DNAH9: variants seen among roughly 807,000 people sequenced by gnomAD.
DNAH9 encodes dynein axonemal heavy chain 9.
In DNAH9, 345 loss-of-function variants were observed where a neutral mutation model predicts 471.6. The ratio of observed to expected loss-of-function variants is 0.73; its 90% CI spans 0.67 to 0.80. The LOEUF (loss-of-function observed/expected upper bound fraction) is 0.80, where lower values mean the gene tolerates loss of function less well. Ranked by LOEUF, DNAH9 falls within the 30% of genes least tolerant of loss-of-function variation. The probability of loss-of-function intolerance (pLI) is 0.00; values close to 1 mark genes in which losing one functional copy is unlikely to be tolerated. For missense variants in DNAH9, 5,407 were observed against 5,609.2 expected (o/e 0.96, Z 1.15); for synonymous variants, 2,093 against 2,123.6 (o/e 0.99, Z 0.40).
chr17:11,871,931 C>CCG, intron 52 of DNAH9, 145 bp downstream of exon 52: 1 of 853,128 alleles, frequency 1.2e-6, no homozygotes, highest in Non-Finnish European at 1.8e-6. Flanking sequence ...ACCTGCGTAC[C>CCG]CGTGTCCTTC....
intron 40 of DNAH9, 30 bp downstream of exon 40, chr17:11,783,778 T>C: frequency 6.4e-7 from 1 of 1,569,686 alleles, no homozygotes; most frequent in Non-Finnish European, 8.8e-7. Context: ...ACCTGGGTCC[T>C]AATCCTATCT....
At chr17:11,964,951 C>CA (rs1395346881) in intron 68 of DNAH9, among the ~76,000 whole-genome samples, 11 of 152,146 alleles carry the variant, frequency 7.2e-5, no homozygotes, top group Non-Finnish European at 1.6e-4. Flanking sequence ...CCCAGGGCAA[C>CA]AGTCTTTTTC....
Position 11,932,101 on chromosome 17 carries a change from C to T in DNAH9, c.12193C>T (p.Arg4065Ter), listed in dbSNP as rs138149656. Residue 4065 changes from arginine to a stop codon, truncating the protein, a stop_gained, in exon 64 of 69, where the codon CGA becomes TGA. Transcript: ENST00000262442. LOFTEE classifies it high-confidence loss of function. This position sits in a 1 kb window ranked among gnomAD's most constrained non-coding sequence, Gnocchi z 4.3. Reference sequence around the variant, plus strand: ...CTTCCATGCGGTGGTGGCAGAAAGACGAAAATTTGGGCCCCAGGGATGGAA... The same window carrying T: ...CTTCCATGCGGTGGTGGCAGAAAGATGAAAATTTGGGCCCCAGGGATGGAA... ...CYFHAVVAER[R>*]KFGPQGWNRS... 6.7e-5 allele frequency: 108 copies of T among 1,613,910 alleles called. No individual in the cohort carries two copies. Among genetic ancestry groups the T allele is most frequent in the Middle Eastern group, 1.6e-4 (1 of 6,074 alleles).
rs571786712 is a variant in DNAH9 at position 11,892,785 on chromosome 17, C to T, written c.11283+838C>T. 2.2e-4 allele frequency among the ~76,000 whole-genome samples: 34 copies of T among 152,232 alleles called. No homozygotes were observed. The highest frequency in any genetic ancestry group is 7.9e-4 in the African/African-American group (33 of 41,524). On this transcript the variant is annotated intron_variant, in intron 58 of 68. Coordinates refer to ENST00000262442, the MANE Select transcript of DNAH9 (RefSeq NM_001372.4). This position sits in a 1 kb window ranked among gnomAD's most constrained non-coding sequence, Gnocchi z 4.3. ...GCCAGGCTCGTCTCAAACTCCTGAC[C>T]TCAGGTGATCCACCCGCCTCGGCCT...
At chr17:11,807,414 G>A (rs11869208) in intron 43 of DNAH9, among the ~76,000 whole-genome samples, 8,578 of 152,178 alleles carry the variant, frequency 0.056, 293 homozygotes, top group African/African-American at 0.082. Flanking sequence ...CAGTTATGGT[G>A]CGGAGAAGAG....
rs200681631 is a variant in DNAH9, at chr17:11,693,972, T to G, written c.4719T>G (p.Tyr1573Ter). ...VVQTTNKPGLYEKLEDIQGRL... is the reference protein window; with the variant it reads ...VVQTTNKPGL ...AAACCACCAACAAGCCAGGCCTGTA[T>G]GAAAAGCTGGAGGATATTCAGGGCA... Residue 1573 changes from tyrosine (Y) to a stop codon, truncating the protein, a stop_gained, in exon 21 of 69, where the codon TAT becomes TAG. Transcript: ENST00000262442. LOFTEE classifies it high-confidence loss of function. 183 of 1,614,046 alleles carry G rather than the reference T, an allele frequency of 1.1e-4. No individual in the cohort carries two copies. Among genetic ancestry groups the G allele is most frequent in the Non-Finnish European group, 9.2e-5 (108 of 1,180,022 alleles).
At chr17:11,798,605 C>G (rs1283204844) in intron 43 of DNAH9, among the ~76,000 whole-genome samples, 1 of 151,960 alleles carries the variant, frequency 6.6e-6, no homozygotes, top group African/African-American at 2.4e-5. Flanking sequence ...ACACCAACAC[C>G]ATCCCTACCC....
intron 28 of DNAH9, among the ~76,000 whole-genome samples, chr17:11,731,191 G>A (rs1227039841): frequency 6.6e-6 from 1 of 151,364 alleles, no homozygotes; most frequent in African/African-American, 2.4e-5. Context: ...GGTGATGATG[G>A]TGGTTATTAT....
chr17:11,647,120 G>T lies in DNAH9; in HGVS notation c.2019G>T (p.Lys673Asn). The T allele has an allele frequency of 1.2e-6, 2 of 1,614,042 alleles. No homozygotes were observed. The highest frequency in any genetic ancestry group is 2.2e-5 in the South Asian group (2 of 91,076). The change falls in exon 12 of 69, where the codon AAG (lysine) becomes AAT (asparagine). Residue 673 changes from lysine to asparagine, a missense_variant. Lys to Asn is a moderately conservative substitution (Grantham distance 94). Around this residue, in one of 3 missense-constraint regions of DNAH9, gnomAD observed 4,636 missense variants for 4,900.3 expected, o/e 0.95. Transcript: ENST00000262442. ...YEDWCRTVSE[K>N]SQYNLSQPLL... ...ATTGGTGCCGGACAGTATCAGAGAA[G>T]TCACAGTACAATCTTTCCCAACCAC...
rs1001499803 is a variant in DNAH9, at chr17:11,705,293, A to G, written c.5552+108A>G. On this transcript the variant is annotated intron_variant, in intron 26 of 68. Coordinates refer to ENST00000262442, the MANE Select transcript of DNAH9 (RefSeq NM_001372.4). ...TCACTTGCTATTTGTCCATAGAGCT[A>G]CAGGGAAAGGGCCTGACTCAACACA... 7 of 974,628 alleles carry G rather than the reference A, an allele frequency of 7.2e-6. No homozygotes were observed. In the Admixed American group the frequency reaches 8.4e-5, roughly 12 times the overall value. The allele number at this position is 974,628 out of a possible 1,614,324, so 60.4% of individuals were successfully genotyped here. A position where few individuals can be genotyped will look rare whatever the true frequency, so the allele number is the denominator to read the frequency against.
intron 48 of DNAH9, among the ~76,000 whole-genome samples, chr17:11,826,150 TTCCTAC>T (rs1970480761): frequency 6.6e-6 from 1 of 152,210 alleles, no homozygotes; most frequent in African/African-American, 2.4e-5. Context: ...TAACAGTTGC[TTCCTAC>T]TAGGGGGTGG....
At position 11,752,887 on chromosome 17, in the gene DNAH9, A is replaced by G; in HGVS notation, c.6665A>G (p.Lys2222Arg). 6.2e-7 allele frequency: 1 copy of G among 1,610,042 alleles called. No individual in the cohort carries two copies. The highest frequency in any genetic ancestry group is 1.7e-5 in the Admixed American group (1 of 59,442). ...GCCAACATCACCCATGATGGGCCCA[A>G]GTGGATTTTACTGGATGGCGACATA... Reference protein sequence around the residue: ...ELANITHDGPKWILLDGDIDP... With the variant: ...ELANITHDGPRWILLDGDIDP... The change falls in exon 33 of 69, where the codon AAG becomes AGG. Residue 2222 changes from lysine (K) to arginine (R), a missense_variant. By Grantham distance (26) the Lys-to-Arg change is conservative. Transcript: ENST00000262442.
intron 55 of DNAH9, 37 bp downstream of exon 55, chr17:11,881,450 G>T: frequency 6.3e-7 from 1 of 1,592,390 alleles, no homozygotes; most frequent in Non-Finnish European, 8.6e-7. Context: ...TGCCACTAGA[G>T]CCTGCAGTGT....
intron 41 of DNAH9, among the ~76,000 whole-genome samples, chr17:11,793,066 C>T (rs1473340720): frequency 6.6e-6 from 1 of 152,116 alleles, no homozygotes; most frequent in Non-Finnish European, 1.5e-5. Context: ...TTATGATGAG[C>T]ACAAAAGAAT....
At chr17:11,657,351 G>A (rs1597443864) in intron 14 of DNAH9, among the ~76,000 whole-genome samples, 1 of 151,908 alleles carries the variant, frequency 6.6e-6, no homozygotes, top group Non-Finnish European at 1.5e-5. Flanking sequence ...TATGCTGATT[G>A]GCCAATTATA....
chr17:11,696,223 G>T lies in DNAH9; in HGVS notation c.4872+1776G>T, dbSNP rs118084796. On this transcript the variant is annotated intron_variant, in intron 22 of 68. Transcript: ENST00000262442. ...TTTCCCCTTCTTTCATACACAAAAG[G>T]TAGCATGCTACGCCTACCTGTTTGC... is the stretch of plus-strand genomic sequence containing the variant. Among the ~76,000 whole-genome samples, 136 of 152,232 alleles carry T rather than the reference G, an allele frequency of 8.9e-4. No individual in the cohort carries two copies. The East Asian group carries it at 0.015, about 17-fold the overall frequency.
At chr17:11,604,976 T>C (rs538172911) in intron 1 of DNAH9, among the ~76,000 whole-genome samples, 4 of 152,316 alleles carry the variant, frequency 2.6e-5, no homozygotes, top group Middle Eastern at 3.4e-3. Flanking sequence ...TCCATTTCTC[T>C]GAGAGTAAAA....
At chr17:11,888,788 A>C (rs1038236599) in intron 57 of DNAH9, among the ~76,000 whole-genome samples, 3 of 152,156 alleles carry the variant, frequency 2.0e-5, no homozygotes, top group African/African-American at 7.2e-5. Flanking sequence ...GGCCACTGTA[A>C]TTTCCATGGT....
At position 11,615,573 on chromosome 17, in the gene DNAH9, A is replaced by C. The variant is rs911116801; in HGVS notation, c.905-1838A>C. On this transcript the variant is annotated intron_variant, in intron 4 of 68. Coordinates refer to ENST00000262442, the MANE Select transcript of DNAH9 (RefSeq NM_001372.4). ...GCACTCCAGCCTGGGTGACAGAGTG[A>C]GACTCCATCCCCACCCCAAAAGAAA... 7.9e-5 allele frequency among the ~76,000 whole-genome samples: 12 copies of C among 151,692 alleles called. No individual in the cohort carries two copies. In the South Asian group the frequency reaches 1.0e-3, roughly 13 times the overall value.
Sources: gnomAD v4.1 joint callset for allele counts (sites outside exome capture counted in the v4.1 genomes callset) on GRCh38, gnomAD v4.1.1 for gene constraint, gnomAD v4.1.1 regional missense constraint, Gnocchi (gnomAD v3.1) non-coding constraint, MANE v1.5 for transcripts, NCBI Gene and HGNC (gene_info 2026-07-23, HGNC 2026-07-21) for gene names.